ZNF730: variants seen among roughly 807,000 people sequenced by gnomAD.
ZNF730 encodes the protein zinc finger protein 730.
In ZNF730, 12 loss-of-function variants were observed where a neutral mutation model predicts 12.6. The observed-to-expected ratio is 0.95, with a 90% CI of 0.61 to 1.54. The LOEUF (loss-of-function observed/expected upper bound fraction) is 1.54. ZNF730 is among the 40% of genes most tolerant of loss of function. The pLI, the probability that ZNF730 is intolerant of heterozygous loss-of-function variation, is 0.00. For synonymous variants in ZNF730, 194 were observed against 195.8 expected (o/e 0.99, Z 0.08); for missense variants, 643 against 583.5 (o/e 1.10, Z -1.05).
chr19:23,081,812 G>T (rs1408217564), intron 1 of ZNF730, among the ~76,000 whole-genome samples: 1 of 152,192 alleles, frequency 6.6e-6, no homozygotes, highest in Non-Finnish European at 1.5e-5. Context: ...AGACTGGAGT[G>T]CAGTGGAGCA....
chr19:23,080,467 C>G (rs1404345641), intron 1 of ZNF730, among the ~76,000 whole-genome samples: 1 of 151,736 alleles, frequency 6.6e-6, no homozygotes, highest in Non-Finnish European at 1.5e-5. Flanking sequence ...CCTTTGCCTC[C>G]CGACTTCAAG....
At chr19:23,122,166 A>T (rs1599590355) in intron 1 of ZNF730, among the ~76,000 whole-genome samples, 1 of 91,756 alleles carries the variant, frequency 1.1e-5, no homozygotes, top group African/African-American at 4.2e-5. Context: ...TTTTAGACAG[A>T]GTTTCACTCT....
At chr19:23,092,867 A>G (rs538291407) in intron 1 of ZNF730, among the ~76,000 whole-genome samples, 10 of 152,284 alleles carry the variant, frequency 6.6e-5, no homozygotes, top group Admixed American at 2.0e-4. Flanking sequence ...ATCACTGTTC[A>G]TCAAAGATAC....
intron 1 of ZNF730, among the ~76,000 whole-genome samples, chr19:23,102,779 A>G (rs1970350688): frequency 4.6e-5 from 7 of 152,162 alleles, no homozygotes; most frequent in Admixed American, 4.6e-4. Context: ...TACAGGCATG[A>G]GCCACCGTGC....
intron 1 of ZNF730, among the ~76,000 whole-genome samples, chr19:23,129,306 G>A (rs1272458718): frequency 2.0e-5 from 3 of 152,134 alleles, no homozygotes; most frequent in African/African-American, 7.2e-5. Flanking sequence ...GCCCGGAGAA[G>A]CCACAGGCAC....
chr19:23,096,625 C>G (rs372012001), intron 1 of ZNF730, among the ~76,000 whole-genome samples: 251 of 152,280 alleles, frequency 1.6e-3, no homozygotes, highest in African/African-American at 5.9e-3. Context: ...TTTCTGAGCC[C>G]TACCCACAGA....
intron 3 of ZNF730, chr19:23,136,252 C>A (rs935613160): frequency 7.8e-5 from 25 of 321,188 alleles, no homozygotes; most frequent in Non-Finnish European, 1.3e-4. Flanking sequence ...TCTAAAAATT[C>A]TTTCCCTTTG....
chr19:23,094,286 CTT>C (rs918132377), intron 1 of ZNF730, among the ~76,000 whole-genome samples: 2 of 130,142 alleles, frequency 1.5e-5, no homozygotes, highest in Admixed American at 7.7e-5. Flanking sequence ...TTTTTCTTTT[CTT>C]TTTTTTTTTT....
At chr19:23,084,240 T>A (rs1254000283) in intron 1 of ZNF730, among the ~76,000 whole-genome samples, 1 of 152,236 alleles carries the variant, frequency 6.6e-6, no homozygotes, top group East Asian at 1.9e-4. Context: ...GTGCATAGAT[T>A]TGTTTCTGAG....
intron 1 of ZNF730, among the ~76,000 whole-genome samples, chr19:23,076,430 A>G (rs925049100): frequency 1.3e-5 from 2 of 152,118 alleles, no homozygotes; most frequent in Non-Finnish European, 2.9e-5. Flanking sequence ...CTTCGGGTTG[A>G]AGTTTTGCTT....
At chr19:23,096,221 C>A (rs530887442) in intron 1 of ZNF730, among the ~76,000 whole-genome samples, 1 of 152,248 alleles carries the variant, frequency 6.6e-6, no homozygotes, top group South Asian at 2.1e-4. Context: ...CTGGGCCCAG[C>A]ATCTAGGTGA....
intron 1 of ZNF730, among the ~76,000 whole-genome samples, chr19:23,132,080 G>A (rs1970750033): frequency 6.6e-6 from 1 of 152,324 alleles, no homozygotes; most frequent in African/African-American, 2.4e-5. Context: ...GACAGGAAAG[G>A]AGAAACATAT....
At chr19:23,076,887 G>A (rs191772719) in intron 1 of ZNF730, among the ~76,000 whole-genome samples, 1 of 152,220 alleles carries the variant, frequency 6.6e-6, no homozygotes, top group East Asian at 1.9e-4. Flanking sequence ...ACGTGCATGT[G>A]TATATTCATT....
At chr19:23,107,766 T>C (rs972751773) in intron 1 of ZNF730, among the ~76,000 whole-genome samples, 14 of 152,130 alleles carry the variant, frequency 9.2e-5, no homozygotes, top group Non-Finnish European at 1.9e-4. Flanking sequence ...TTTTGGTTTG[T>C]TTATGGTGGA....
chr19:23,135,814 T>C (rs1297740463), intron 2 of ZNF730, 134 bp from the exon 3 acceptor site: 4 of 841,474 alleles, frequency 4.8e-6, no homozygotes, highest in Non-Finnish European at 6.6e-6. Flanking sequence ...CCTGGTCTAT[T>C]TAGAAAATTT....
chr19:23,147,019 G>A lies in ZNF730; in HGVS notation c.*463G>A, dbSNP rs568345666. Reference sequence around the variant, plus strand: ...TAAATTGTTGTCACATTTAATTGTAGGTAAGGTGATTCATACTGGAGAAAA... The same window carrying A: ...TAAATTGTTGTCACATTTAATTGTAAGTAAGGTGATTCATACTGGAGAAAA... On this transcript the variant is annotated 3_prime_UTR_variant, in exon 4 of 4. Coordinates refer to ENST00000597761, the MANE Select transcript of ZNF730 (RefSeq NM_001277403.2). The A allele has an allele frequency of 3.3e-5, 10 of 301,836 alleles. No homozygotes were observed. In the East Asian group the frequency reaches 6.9e-4, roughly 21 times the overall value. 18.7% of individuals were successfully genotyped at this position (301,836 alleles called of 1,614,324 possible). A position where few individuals can be genotyped will look rare whatever the true frequency, so the allele number is the denominator to read the frequency against.
At chr19:23,105,648 ATGT>A (rs1303919774) in intron 1 of ZNF730, among the ~76,000 whole-genome samples, 5 of 152,210 alleles carry the variant, frequency 3.3e-5, no homozygotes, top group African/African-American at 1.2e-4. Context: ...GTTTATTGTA[ATGT>A]TATATATACA....
Position 23,117,126 on chromosome 19 carries a change from A to G in ZNF730, c.-48A>G, listed in dbSNP as rs943460026. 4.3e-6 allele frequency: 7 copies of G among 1,613,040 alleles called. No individual in the cohort carries two copies. The highest frequency in any genetic ancestry group is 5.9e-6 in the Non-Finnish European group (7 of 1,179,286). On this transcript the variant is annotated 5_prime_UTR_variant, in exon 1 of 4. Transcript: ENST00000597761. The stretch of plus-strand genomic sequence containing the variant: ...CTGTGTGGCCCTGCGACCTGCGGGT[A>G]TTGGGAGATCCACAGCTAAGACGCC...
chr19:23,086,819 A>AT (rs1215973645), intron 1 of ZNF730, among the ~76,000 whole-genome samples: 1 of 152,146 alleles, frequency 6.6e-6, no homozygotes. Context: ...TTTTTTTCTA[A>AT]TTCTGTGAGA....
Sources: allele counts gnomAD v4.1 joint callset (sites outside exome capture counted in the v4.1 genomes callset), GRCh38; gene constraint gnomAD v4.1.1; transcripts MANE v1.5; gene names NCBI Gene and HGNC (gene_info 2026-07-23, HGNC 2026-07-21).